NRG4: variants seen among roughly 807,000 people sequenced by gnomAD.
NRG4 encodes the protein neuregulin 4.
NRG4 carries 10 observed loss-of-function variants against 15.0 expected under a neutral mutation model. The observed-to-expected ratio is 0.67, with a 90% CI of 0.41 to 1.13. The LOEUF is 1.13. Among genes scored for constraint, NRG4 ranks in the 50% most tolerant of loss-of-function variants. The pLI, the probability that NRG4 is intolerant of heterozygous loss-of-function variation, is 0.00. For synonymous variants in NRG4, 41 were observed against 50.1 expected (o/e 0.82, Z 0.77); for missense variants, 139 against 140.2 (o/e 0.99, Z 0.04).
chr15:75,988,590 T>G (rs2033888269), intron 3 of NRG4, among the ~76,000 whole-genome samples: 1 of 152,210 alleles, frequency 6.6e-6, no homozygotes, highest in Non-Finnish European at 1.5e-5. Flanking sequence ...TCTTGATAGA[T>G]ACACATAGGT....
chr15:76,024,062 G>A (rs1228338335), intron 5 of NRG4, among the ~76,000 whole-genome samples: 3 of 152,150 alleles, frequency 2.0e-5, no homozygotes, highest in African/African-American at 7.2e-5. Context: ...TTGCCCAAAG[G>A]CCCCATGCCT....
intron 3 of NRG4, among the ~76,000 whole-genome samples, chr15:75,973,539 C>CTTG (rs2141837075): frequency 6.6e-6 from 1 of 152,266 alleles, no homozygotes; most frequent in Admixed American, 6.5e-5. Context: ...GAGATACATT[C>CTTG]CATCAATACC....
chr15:75,975,908 G>C (rs1179091921), intron 3 of NRG4, among the ~76,000 whole-genome samples: 1 of 152,098 alleles, frequency 6.6e-6, no homozygotes, highest in Non-Finnish European at 1.5e-5. Context: ...TGTCTTGCTA[G>C]GTTGGGGAAA....
chr15:76,002,240 G>C (rs999919606), intron 3 of NRG4, among the ~76,000 whole-genome samples: 2 of 152,144 alleles, frequency 1.3e-5, no homozygotes, highest in African/African-American at 4.8e-5. Flanking sequence ...CATTGTTCAG[G>C]AAGAGTAAAC....
At chr15:76,013,352 C>T (rs980390932), upstream of NRG4, among the ~76,000 whole-genome samples, 3 of 151,980 alleles carry the variant, frequency 2.0e-5, no homozygotes, top group Non-Finnish European at 1.5e-5. Context: ...TTCATTATTA[C>T]ATTTTTAAAA....
In NRG4 at chr15:76,005,615, G is replaced by A. The variant is rs563370499; in HGVS notation, c.104+3585C>T. 2.3e-5 allele frequency: 6 copies of A among 259,092 alleles called. No individual in the cohort carries two copies. The East Asian group carries it at 5.7e-4, about 24-fold the overall frequency. 16.0% of individuals were successfully genotyped at this position (259,092 alleles called of 1,614,324 possible). A position where few individuals can be genotyped will look rare whatever the true frequency, so the allele number is the denominator to read the frequency against. ...AGGCAGGAGAATCACTTGAACCTGGGGGGTGGAGGTTACAGTGAGCCGAGA... is the reference window on the plus strand; with the variant it reads ...AGGCAGGAGAATCACTTGAACCTGGAGGGTGGAGGTTACAGTGAGCCGAGA... On this transcript the variant is annotated intron_variant, in intron 3 of 5. Coordinates refer to ENST00000394907, the MANE Select transcript of NRG4 (RefSeq NM_138573.4).
chr15:76,041,036 T>G, intron 4 of NRG4, among the ~76,000 whole-genome samples: 1 of 152,242 alleles, frequency 6.6e-6, no homozygotes, highest in South Asian at 2.1e-4. Context: ...AAAGTTTTTA[T>G]TAGTTTTCTT....
chr15:75,976,169 T>C (rs1195106925), intron 3 of NRG4, among the ~76,000 whole-genome samples: 1 of 152,240 alleles, frequency 6.6e-6, no homozygotes, highest in Non-Finnish European at 1.5e-5. Flanking sequence ...TCTCGTGCTA[T>C]GTTTTTCAGC....
chr15:75,939,741 CAATAT>C (rs1442646978), downstream of NRG4: 14 of 152,192 alleles, frequency 9.2e-5, no homozygotes, highest in African/African-American at 2.9e-4. Context: ...ATACAAAAAT[CAATAT>C]AATATACTAC....
intron 3 of NRG4, among the ~76,000 whole-genome samples, chr15:75,974,725 G>A (rs930529582): frequency 6.6e-6 from 1 of 152,174 alleles, no homozygotes; most frequent in Non-Finnish European, 1.5e-5. Context: ...CTGAGAGACT[G>A]TTACGATTTT....
At chr15:75,976,547 T>C (rs566681474) in intron 3 of NRG4, among the ~76,000 whole-genome samples, 1 of 152,314 alleles carries the variant, frequency 6.6e-6, no homozygotes, top group African/African-American at 2.4e-5. Context: ...TTGTTGATGC[T>C]ATTCCTTTCT....
intron 4 of NRG4, among the ~76,000 whole-genome samples, chr15:75,960,527 T>A (rs2032463274): frequency 1.3e-5 from 2 of 152,210 alleles, no homozygotes; most frequent in African/African-American, 4.8e-5. Context: ...GCTGAATGCC[T>A]GGGATGGCTC....
chr15:75,948,198 G>A (rs2031648047), intron 5 of NRG4, among the ~76,000 whole-genome samples: 2 of 152,212 alleles, frequency 1.3e-5, no homozygotes, highest in East Asian at 3.9e-4. Flanking sequence ...GGCTGCCTGT[G>A]CTTTTGGTGT....
intron 1 of NRG4, among the ~76,000 whole-genome samples, chr15:76,058,019 G>C (rs2036196195): frequency 6.6e-6 from 1 of 152,100 alleles, no homozygotes; most frequent in African/African-American, 2.4e-5. Context: ...GTCGTACTCT[G>C]AGAGTTAATT....
chr15:75,984,294 G>T (rs1315669156), intron 3 of NRG4, among the ~76,000 whole-genome samples: 2 of 151,956 alleles, frequency 1.3e-5, no homozygotes, highest in Admixed American at 6.6e-5. Flanking sequence ...CACGGCAGGG[G>T]GTATATACAG....
At chr15:76,048,963 T>C in intron 4 of NRG4, among the ~76,000 whole-genome samples, 1 of 150,246 alleles carries the variant, frequency 6.7e-6, no homozygotes, top group South Asian at 2.1e-4. Context: ...GAGAATGGCT[T>C]GAACTCAGGA....
At chr15:75,961,525 C>CT (rs2032522312) in intron 4 of NRG4, among the ~76,000 whole-genome samples, 1 of 152,106 alleles carries the variant, frequency 6.6e-6, no homozygotes, top group Non-Finnish European at 1.5e-5. Flanking sequence ...ACAAAATTTA[C>CT]TTTAAATACA....
chr15:75,987,553 C>T (rs1276149414), intron 3 of NRG4, among the ~76,000 whole-genome samples: 6 of 152,042 alleles, frequency 3.9e-5, no homozygotes, highest in African/African-American at 9.7e-5. Flanking sequence ...GACTTACTTC[C>T]GCTCTCCCTC....
chr15:75,965,860 A>G (rs2032767797), intron 3 of NRG4, among the ~76,000 whole-genome samples: 1 of 152,206 alleles, frequency 6.6e-6, no homozygotes, highest in Non-Finnish European at 1.5e-5. Context: ...ACCAGCATTT[A>G]CCCAGAACTA....
Sources: allele counts gnomAD v4.1 joint callset (sites outside exome capture counted in the v4.1 genomes callset), GRCh38; gene constraint gnomAD v4.1.1; transcripts MANE v1.5; gene names NCBI Gene and HGNC (gene_info 2026-07-23, HGNC 2026-07-21).